The following NCAPD3 variants were observed in gnomAD, a reference collection of about 807,000 sequenced individuals.
NCAPD3 encodes condensin-2 complex subunit D3.
NCAPD3 carries 105 observed loss-of-function variants against 182.9 expected under a neutral mutation model. The observed-to-expected ratio is 0.57, with a 90% confidence interval of 0.49 to 0.68. The LOEUF is 0.68. Among genes scored for constraint, NCAPD3 ranks in the 30% least tolerant of loss-of-function variants. The pLI, the probability that NCAPD3 is intolerant of heterozygous loss-of-function variation, is 0.00. For synonymous variants in NCAPD3, 815 were observed against 679.9 expected, an observed-to-expected ratio of 1.20 and a Z score of -3.09; for missense variants, 1,944 against 1,837.0, an observed-to-expected ratio of 1.06 and a Z score of -1.07.
intron 27 of NCAPD3, among the ~76,000 whole-genome samples, chr11:134,167,730 ACT>A (rs1160156669): frequency 1.6e-5 from 2 of 128,012 alleles, no homozygotes; most frequent in Admixed American, 8.8e-5. Context: ...GGAGGCGCAC[ACT>A]CGTGAGATGA....
rs1192018095 is a variant in NCAPD3, at chr11:134,159,905, G to A, written c.3854C>T (p.Ala1285Val). Residue 1285 changes from alanine (A) to valine (V), a missense_variant, in exon 29 of 35, where the codon GCA becomes GTA. This residue lies in a region of NCAPD3 where 1,803 missense variants were observed against 1,674.6 expected (regional missense o/e 1.08). Coordinates refer to ENST00000534548, the MANE Select transcript of NCAPD3 (RefSeq NM_015261.3). ...CCCCACACCTACCTGTGCCACAGGT[G>A]CCACCTCAGCACCTCCAGCCGTCCC... ...VAGTAGGAEVAPVAQVALCLE... is the reference protein window; with the variant it reads ...VAGTAGGAEVVPVAQVALCLE... The A allele has an allele frequency of 1.9e-6, 3 of 1,612,686 alleles. No individual in the cohort carries two copies. Among genetic ancestry groups the A allele is most frequent in the Non-Finnish European group, 2.5e-6 (3 of 1,179,848 alleles).
At position 134,177,316 on chromosome 11, in the gene NCAPD3, A is replaced by G. The variant is rs781521911; in HGVS notation, c.2924T>C (p.Met975Thr). The G allele has an allele frequency of 6.2e-7, 1 of 1,614,226 alleles. No homozygotes were observed. The highest frequency in any genetic ancestry group is 1.7e-5 in the Admixed American group (1 of 60,028). Residue 975 changes from methionine to threonine, a missense_variant, in exon 23 of 35, where the codon ATG becomes ACG. Met to Thr is a moderately conservative substitution (Grantham distance 81). Coordinates refer to ENST00000534548, the MANE Select transcript of NCAPD3 (RefSeq NM_015261.3). ...GATGTTGGGAATATACTTGTCCACC[A>G]TGATGGTGTAGCGAATGCAGAGATC... ...MCDLCIRYTI[M>T]VDKYIPNISM... is the part of the protein sequence containing the mutation.
intron 3 of NCAPD3, among the ~76,000 whole-genome samples, chr11:134,214,804 A>G (rs963428401): frequency 3.3e-5 from 5 of 152,354 alleles, no homozygotes; most frequent in African/African-American, 4.8e-5. Flanking sequence ...AAACATCTGA[A>G]GAAAAAAGAA....
chr11:134,158,213 G>C, intron 30 of NCAPD3, 116 bp downstream of exon 30: 1 of 1,528,554 alleles, frequency 6.5e-7, no homozygotes, highest in Non-Finnish European at 8.9e-7. Flanking sequence ...GTGGAGCGGG[G>C]TGGCAGGCCA....
intron 32 of NCAPD3, among the ~76,000 whole-genome samples, chr11:134,155,140 A>T (rs1443096503): frequency 1.3e-5 from 2 of 152,168 alleles, no homozygotes; most frequent in African/African-American, 4.8e-5. Flanking sequence ...GGGACTTGCT[A>T]AAACCCCCAC....
At chr11:134,188,265 A>C (rs1304952878) in intron 16 of NCAPD3, among the ~76,000 whole-genome samples, 1 of 151,904 alleles carries the variant, frequency 6.6e-6, no homozygotes, top group Non-Finnish European at 1.5e-5. Context: ...TAAATGTACC[A>C]ATCAGCACTC....
At chr11:134,177,586 AAAC>A in intron 22 of NCAPD3, 129 bp from the exon 23 acceptor site, 1 of 744,728 alleles carries the variant, frequency 1.3e-6, no homozygotes, top group South Asian at 1.8e-5. Flanking sequence ...CCACAATCAC[AAAC>A]AACAAAAAAC....
Position 134,161,799 on chromosome 11 carries a change from T to G in NCAPD3, c.3666A>C (p.Glu1222Asp), listed in dbSNP as rs1943588754. 1 of 1,574,432 alleles carries G rather than the reference T, an allele frequency of 6.4e-7. No individual in the cohort carries two copies. The highest frequency in any genetic ancestry group is 1.7e-5 in the Admixed American group (1 of 58,632). The change falls in exon 28 of 35, where the codon GAA becomes GAC. Residue 1222 changes from glutamate (E) to aspartate (D), a missense_variant. This residue lies in a region of NCAPD3 where 1,803 missense variants were observed against 1,674.6 expected (regional missense o/e 1.08). Coordinates refer to ENST00000534548, the MANE Select transcript of NCAPD3 (RefSeq NM_015261.3). The part of the protein sequence containing the change: ...LEKNKIPALR[E>D]LMHYLREVMQ... ...CCCTTACCCTGAGATAGTGCATGAG[T>G]TCCCGCAAAGCTGGGATCTTATTTT...
At chr11:134,197,773 C>T (rs941907719) in intron 13 of NCAPD3, among the ~76,000 whole-genome samples, 1 of 152,112 alleles carries the variant, frequency 6.6e-6, no homozygotes, top group Non-Finnish European at 1.5e-5. Context: ...GGTAACAGAA[C>T]AAAGAAAACC....
intron 27 of NCAPD3, among the ~76,000 whole-genome samples, chr11:134,164,575 C>T (rs1392613931): frequency 2.0e-5 from 3 of 152,042 alleles, no homozygotes; most frequent in Admixed American, 1.3e-4. Context: ...AGGGGAGCTG[C>T]ACACTCACTT....
intron 32 of NCAPD3, among the ~76,000 whole-genome samples, chr11:134,156,247 G>C (rs1438791835): frequency 1.3e-5 from 2 of 152,168 alleles, no homozygotes; most frequent in Non-Finnish European, 2.9e-5. Context: ...TGTGGAAACA[G>C]TGAGGAGTGG....
chr11:134,175,314 A>G (rs1271233011), intron 24 of NCAPD3, among the ~76,000 whole-genome samples: 4 of 152,226 alleles, frequency 2.6e-5, no homozygotes, highest in African/African-American at 7.2e-5. Flanking sequence ...CTGCGTAAAA[A>G]GTCCTGAGAG....
chr11:134,167,140 G>T (rs1369832774), intron 27 of NCAPD3, among the ~76,000 whole-genome samples: 1 of 136,572 alleles, frequency 7.3e-6, no homozygotes, highest in Admixed American at 7.2e-5. Flanking sequence ...GAGCTTGGGG[G>T]AGGGGCACAC....
rs753121271 is a variant in NCAPD3, at chr11:134,178,966, A to C, written c.2560-30T>G. On this transcript the variant is annotated intron_variant, in intron 20 of 34. Coordinates refer to ENST00000534548, the MANE Select transcript of NCAPD3 (RefSeq NM_015261.3). ...AAAGATAATTGGTTTTACAGTAAAA[A>C]TAAGGCAAAAGAAAAGTGAACTCTA... The C allele has an allele frequency of 1.3e-5, 20 of 1,496,224 alleles. No individual in the cohort carries two copies. The South Asian group carries it at 2.3e-4, about 17-fold the overall frequency. 92.7% of individuals were successfully genotyped at this position (1,496,224 alleles called of 1,614,324 possible). A position where few individuals can be genotyped will look rare whatever the true frequency, so the allele number is the denominator to read the frequency against.
Position 134,168,903 on chromosome 11 carries a change from G to A in NCAPD3, c.3239+14C>T. 6.2e-7 allele frequency: 1 copy of A among 1,609,618 alleles called. No homozygotes were observed. Among genetic ancestry groups the A allele is most frequent in the Non-Finnish European group, 8.5e-7 (1 of 1,177,618 alleles). ...CCCAGATACAAGGAGACCAGACTTA[G>A]CTGCTTCACTGACCTCTCTGACTGG... On this transcript the variant is annotated intron_variant, in intron 25 of 34. Coordinates refer to ENST00000534548, the MANE Select transcript of NCAPD3 (RefSeq NM_015261.3).
At position 134,161,159 on chromosome 11, in the gene NCAPD3, G is replaced by A. The variant is rs996664938; in HGVS notation, c.3684+622C>T. 4.6e-5 allele frequency among the ~76,000 whole-genome samples: 7 copies of A among 152,216 alleles called. No individual in the cohort carries two copies. The South Asian group carries it at 1.5e-3, about 32-fold the overall frequency. ...TTTTTGAGGAAGAAAAACACATAAT[G>A]TGAACAGAGCTATAACTGCTGAATT... On this transcript the variant is annotated intron_variant, in intron 28 of 34. Coordinates refer to ENST00000534548, the MANE Select transcript of NCAPD3 (RefSeq NM_015261.3).
intron 29 of NCAPD3, among the ~76,000 whole-genome samples, chr11:134,159,301 T>C (rs1195216802): frequency 6.6e-6 from 1 of 152,192 alleles, no homozygotes; most frequent in Non-Finnish European, 1.5e-5. Context: ...ATTCCCTTTC[T>C]CCATTTTAAC....
intron 17 of NCAPD3, 147 bp from the exon 18 acceptor site, chr11:134,185,147 A>T: frequency 1.1e-6 from 1 of 874,970 alleles, no homozygotes; most frequent in Non-Finnish European, 1.8e-6. Flanking sequence ...CAAGGCATTT[A>T]ATGTACTTGG....
intron 16 of NCAPD3, among the ~76,000 whole-genome samples, chr11:134,189,466 T>C (rs1944479444): frequency 6.6e-6 from 1 of 152,356 alleles, no homozygotes; most frequent in South Asian, 2.1e-4. Flanking sequence ...TCTACAAGTT[T>C]TGGCACGTAT....
Sources: gnomAD v4.1 joint callset for allele counts (sites outside exome capture counted in the v4.1 genomes callset) on GRCh38, gnomAD v4.1.1 for gene constraint, gnomAD v4.1.1 regional missense constraint, MANE v1.5 for transcripts, NCBI Gene and HGNC (gene_info 2026-07-23, HGNC 2026-07-21) for gene names.